DMD: variants seen among roughly 807,000 people sequenced by gnomAD.
DMD encodes the protein dystrophin.
In DMD, 63 loss-of-function variants were observed where a neutral mutation model predicts 330.1. The ratio of observed to expected loss-of-function variants is 0.19; its 90% confidence interval spans 0.16 to 0.24. DMD has a LOEUF of 0.24. Ranked by LOEUF, DMD falls within the 10% of genes least tolerant of loss-of-function variation. The pLI, the probability that DMD is intolerant of heterozygous loss-of-function variation, is 1.00. For synonymous variants in DMD, 1,223 were observed against 959.8 expected (o/e 1.27, Z -5.07); for missense variants, 3,344 against 2,684.1 (o/e 1.25, Z -5.43).
intron 59 of DMD, among the ~76,000 whole-genome samples, chrX:31,470,038 C>A (rs1247528246): frequency 9.0e-6 from 1 of 110,931 alleles, no homozygotes; most frequent in Non-Finnish European, 1.9e-5. Flanking sequence ...TTATGTTCCT[C>A]TCTAAACTGG....
At position 31,655,097 on chromosome X, in the gene DMD, C is replaced by T. The variant is rs1353695376; in HGVS notation, c.8027+2893G>A. 3.6e-5 allele frequency among the ~76,000 whole-genome samples: 4 copies of T among 111,434 alleles called. No individual in the cohort carries two copies. In the Admixed American group the frequency reaches 3.8e-4, roughly 11 times the overall value. On this transcript the variant is annotated intron_variant, in intron 54 of 78. Coordinates refer to ENST00000357033, the MANE Select transcript of DMD (RefSeq NM_004006.3). ...TAAATGTACCCTAAACTGCTTAACC[C>T]ATTTATGCCTAAGGTTGCAATTTTT...
chrX:31,121,709 TACAGTATA>T lies in DMD; in HGVS notation c.*202_*209del. 1 of 528,661 alleles carries T rather than the reference TACAGTATA, an allele frequency of 1.9e-6. No homozygotes were observed. The highest frequency in any genetic ancestry group is 2.3e-5 in the African/African-American group (1 of 43,344). The allele number at this position is 528,661 out of a possible 1,213,427, so 43.6% of individuals were successfully genotyped here. ...AACAGACTTAGAAACTACTGAAATC[TACAGTATA>T]ATACCACTACCCTTCACAAAAATAT... is the stretch of plus-strand genomic sequence containing the variant. On this transcript the variant is annotated 3_prime_UTR_variant, in exon 79 of 79. Transcript: ENST00000357033.
chrX:32,843,425 C>G (rs760227181), intron 4 of DMD, among the ~76,000 whole-genome samples: 56 of 111,647 alleles, frequency 5.0e-4, no homozygotes, highest in South Asian at 1.9e-3. Flanking sequence ...AGTGAAAAAT[C>G]TAGTTAATTT....
chrX:32,402,449 T>C (rs1002254281), intron 30 of DMD, among the ~76,000 whole-genome samples: 4 of 111,225 alleles, frequency 3.6e-5, no homozygotes, highest in South Asian at 3.8e-4. Flanking sequence ...AGGACATTTT[T>C]TATTAACCCC....
chrX:33,075,705 T>C (rs182757085), intron 1 of DMD, among the ~76,000 whole-genome samples: 2 of 112,093 alleles, frequency 1.8e-5, no homozygotes, highest in African/African-American at 6.5e-5. Flanking sequence ...GAAACCACCA[T>C]TGCAAAATTA....
chrX:31,761,043 G>A (rs1320962461), intron 51 of DMD, among the ~76,000 whole-genome samples: 1 of 102,285 alleles, frequency 9.8e-6, no homozygotes, highest in African/African-American at 3.6e-5. Context: ...CCACCACCAC[G>A]CCTGGCTAAT....
intron 44 of DMD, among the ~76,000 whole-genome samples, chrX:32,087,166 T>G (rs2096445347): frequency 8.9e-6 from 1 of 111,813 alleles, no homozygotes; most frequent in African/African-American, 3.2e-5. Context: ...ATGAGGGAAT[T>G]CTTCTCCTTA....
chrX:31,738,465 T>C (rs187236218), intron 51 of DMD, among the ~76,000 whole-genome samples: 1 of 112,463 alleles, frequency 8.9e-6, no homozygotes, highest in Non-Finnish European at 1.9e-5. Context: ...AACCCTTGTA[T>C]ACTGTTGGTG....
At chrX:31,624,368 A>C (rs1035909446) in intron 55 of DMD, among the ~76,000 whole-genome samples, 12 of 112,181 alleles carry the variant, frequency 1.1e-4, no homozygotes, top group African/African-American at 3.9e-4. Context: ...CTTTCAGAGA[A>C]GAATTAATCA....
intron 59 of DMD, among the ~76,000 whole-genome samples, chrX:31,455,260 T>C (rs1439079718): frequency 2.7e-5 from 3 of 110,789 alleles, no homozygotes; most frequent in African/African-American, 9.8e-5. Context: ...TGTCTCCTTT[T>C]TCCTTGACTC....
intron 63 of DMD, among the ~76,000 whole-genome samples, chrX:31,244,023 G>C (rs1000119549): frequency 5.3e-5 from 6 of 112,451 alleles, no homozygotes; most frequent in African/African-American, 1.9e-4. Context: ...CATGGGAACT[G>C]TACACACAAA....
At chrX:32,774,995 G>A (rs2073995330) in intron 7 of DMD, among the ~76,000 whole-genome samples, 1 of 112,242 alleles carries the variant, frequency 8.9e-6, no homozygotes, top group South Asian at 3.7e-4. Context: ...ATAAGTATTG[G>A]GTAAATGTTT....
chrX:32,765,473 G>A (rs2072863492), intron 7 of DMD, among the ~76,000 whole-genome samples: 1 of 111,135 alleles, frequency 9.0e-6, no homozygotes, highest in Non-Finnish European at 1.9e-5. Context: ...CCAGCATCAT[G>A]CTTCCTGTAC....
intron 44 of DMD, among the ~76,000 whole-genome samples, chrX:32,149,228 T>C (rs1241720623): frequency 8.9e-6 from 1 of 111,774 alleles, no homozygotes; most frequent in Non-Finnish European, 1.9e-5. Flanking sequence ...TAGAGGCATC[T>C]AGTGGGGCAC....
chrX:31,960,938 T>C (rs2095297107), intron 45 of DMD, among the ~76,000 whole-genome samples: 1 of 111,808 alleles, frequency 8.9e-6, no homozygotes, highest in African/African-American at 3.3e-5. Flanking sequence ...AATCTAAAAA[T>C]AGCTCTTTGG....
In DMD at chrX:33,059,425, A is replaced by G. The variant is rs776143220; in HGVS notation, c.32-39225T>C. Among the ~76,000 whole-genome samples the G allele has an allele frequency of 1.8e-4, 20 of 110,435 alleles. No individual in the cohort carries two copies. In the South Asian group the frequency reaches 7.9e-3, roughly 43 times the overall value. ...CTCTCTCTCCAACTCCCAAAGATATATAAGTCGGATTTATTGGGCACAGCT... is the reference window on the plus strand; with the variant it reads ...CTCTCTCTCCAACTCCCAAAGATATGTAAGTCGGATTTATTGGGCACAGCT... On this transcript the variant is annotated intron_variant, in intron 1 of 78. Coordinates refer to ENST00000357033, the MANE Select transcript of DMD (RefSeq NM_004006.3).
At chrX:32,076,988 CAA>C (rs1349011178) in intron 44 of DMD, among the ~76,000 whole-genome samples, 2 of 111,800 alleles carry the variant, frequency 1.8e-5, no homozygotes, top group Admixed American at 9.5e-5. Context: ...AAGCTTGTGG[CAA>C]AGAGTCAATG....
intron 13 of DMD, among the ~76,000 whole-genome samples, chrX:32,581,493 G>C (rs2053649608): frequency 9.0e-6 from 1 of 111,532 alleles, no homozygotes; most frequent in Non-Finnish European, 1.9e-5. Context: ...AAATACCATA[G>C]GGACTAAATA....
At chrX:32,735,610 C>T (rs1264545195) in intron 7 of DMD, among the ~76,000 whole-genome samples, 7 of 110,780 alleles carry the variant, frequency 6.3e-5, no homozygotes, top group South Asian at 3.9e-4. Flanking sequence ...GAAATAACGC[C>T]GCATATCTAC....
Sources: gnomAD v4.1 joint callset for allele counts (sites outside exome capture counted in the v4.1 genomes callset) on GRCh38, gnomAD v4.1.1 for gene constraint, MANE v1.5 for transcripts, NCBI Gene and HGNC (gene_info 2026-07-23, HGNC 2026-07-21) for gene names.